Variants in SEMA5B observed in about 807,000 individuals in gnomAD.
SEMA5B encodes semaphorin-5B.
In SEMA5B, 66 loss-of-function variants were observed where a neutral mutation model predicts 135.0. The ratio of observed to expected loss-of-function variants is 0.49; its 90% CI spans 0.40 to 0.60. SEMA5B has a LOEUF of 0.60. Ranked by LOEUF, SEMA5B falls within the 20% of genes least tolerant of loss-of-function variation. The pLI is 0.00. For missense variants in SEMA5B, 1,501 were observed against 1,566.3 expected, an observed-to-expected ratio of 0.96 and a Z score of 0.70; for synonymous variants, 690 against 639.5, an observed-to-expected ratio of 1.08 and a Z score of -1.19.
rs375840131 is a variant in SEMA5B, at chr3:122,912,979, C to G, written c.2589G>C (p.Ser863=). 2 of 1,610,690 alleles carry G rather than the reference C, an allele frequency of 1.2e-6. No individual in the cohort carries two copies. The highest frequency in any genetic ancestry group is 1.7e-6 in the Non-Finnish European group (2 of 1,178,676). The change falls in exon 18 of 23, where the codon TCG becomes TCC. Residue 863 remains serine (S), a synonymous_variant. Transcript: ENST00000357599. ...SGGWAAWGPW[S]SCSRDCELGF... is the part of the protein sequence containing the mutation. ...CCAGCTCGCAGTCCCGGGAGCAGGACGACCACGGGCCCCAGGCGGCCCAGC... is the reference window on the plus strand; with the variant it reads ...CCAGCTCGCAGTCCCGGGAGCAGGAGGACCACGGGCCCCAGGCGGCCCAGC...
intron 5 of SEMA5B, among the ~76,000 whole-genome samples, chr3:122,932,528 AG>A (rs1408079783): frequency 6.6e-6 from 1 of 152,124 alleles, no homozygotes; most frequent in Non-Finnish European, 1.5e-5. Context: ...CAAAGGTCCA[AG>A]GAACACTATG....
intron 18 of SEMA5B, 131 bp downstream of exon 18, chr3:122,912,712 C>T (rs1388411759): frequency 7.7e-6 from 7 of 908,742 alleles, no homozygotes; most frequent in Non-Finnish European, 1.2e-5. Context: ...TCTGGGGGTC[C>T]CTAGCACAGA....
At chr3:122,979,572 T>C (rs1941452508) in intron 1 of SEMA5B, among the ~76,000 whole-genome samples, 1 of 152,172 alleles carries the variant, frequency 6.6e-6, no homozygotes, top group South Asian at 2.1e-4. Flanking sequence ...AATCCACATG[T>C]TACCCTATGG....
At position 122,927,839 on chromosome 3, in the gene SEMA5B, G is replaced by T. The variant is rs753605598; in HGVS notation, c.801C>A (p.Gly267=). The change falls in exon 8 of 23, where the codon GGC becomes GGA. Residue 267 remains glycine (G), a synonymous_variant. Transcript: ENST00000357599. ...GGGCAGTGCGAAGCGGTGGCCCACT[G>T]CCCAGGCTGCGGTAGATGGCAGGGT... The part of the protein sequence containing the change: ...GRDPAIYRSL[G]SGPPLRTAQY... The T allele has an allele frequency of 4.9e-5, 77 of 1,575,752 alleles. No homozygotes were observed. The highest frequency in any genetic ancestry group is 6.2e-5 in the Non-Finnish European group (72 of 1,159,668).
Position 122,912,826 on chromosome 3 carries a change from C to G in SEMA5B, c.2725+17G>C. ...CAGGGTTTCGCTAGGCCAAGGATTC[C>G]TTCCGTGCAGGGTTACCTGGGCAAG... On this transcript the variant is annotated intron_variant, in intron 18 of 22. Coordinates refer to ENST00000357599, the MANE Select transcript of SEMA5B (RefSeq NM_001031702.4). 5 of 1,538,232 alleles carry G rather than the reference C, an allele frequency of 3.3e-6. No homozygotes were observed. The highest frequency in any genetic ancestry group is 4.4e-6 in the Non-Finnish European group (5 of 1,140,396).
intron 3 of SEMA5B, among the ~76,000 whole-genome samples, chr3:122,947,680 T>C (rs183399564): frequency 1.1e-4 from 17 of 152,284 alleles, no homozygotes; most frequent in Admixed American, 1.1e-3. Context: ...GACGATCTCC[T>C]GGCACTGCCT....
chr3:122,910,916 G>A lies in SEMA5B; in HGVS notation c.3221C>T (p.Pro1074Leu), dbSNP rs184317651. The change falls in exon 22 of 23, where the codon CCT becomes CTT. Residue 1074 changes from proline (P) to leucine (L), a missense_variant. Physicochemically the swap from Pro to Leu is moderately conservative, Grantham distance 98 (BLOSUM62 -3). Around this residue, in one of 2 missense-constraint regions of SEMA5B, gnomAD observed 927 missense variants for 881.6 expected, o/e 1.05. Coordinates refer to ENST00000357599, the MANE Select transcript of SEMA5B (RefSeq NM_001031702.4). ...RQSQESTLVH[P>L]ATPNHLHYKG... The stretch of plus-strand genomic sequence containing the variant: ...GTAGTGCAAATGGTTGGGGGTGGCA[G>A]GATGGACCAGTGTGGACTCCTGGGA... The A allele has an allele frequency of 6.2e-7, 1 of 1,613,834 alleles. No individual in the cohort carries two copies. Among genetic ancestry groups the A allele is most frequent in the East Asian group, 2.2e-5 (1 of 44,884 alleles).
Position 122,913,570 on chromosome 3 carries a change from G to A in SEMA5B, c.2244C>T (p.Ala748=), listed in dbSNP as rs774912931. 2.5e-6 allele frequency: 4 copies of A among 1,612,908 alleles called. No homozygotes were observed. The highest frequency in any genetic ancestry group is 3.4e-6 in the Non-Finnish European group (4 of 1,179,910). The change falls in exon 16 of 23, where the codon GCC becomes GCT. Residue 748 remains alanine, a synonymous_variant. Transcript: ENST00000357599. ...CGGGMQSRRR[A]CENGNSCLGC... ...CCAGGCAGGAGTTGCCGTTCTCGCA[G>A]GCCCGACGCCGCGACTGCATGCCCC...
intron 18 of SEMA5B, among the ~76,000 whole-genome samples, 179 bp downstream of exon 18, chr3:122,912,664 G>C (rs1194558628): frequency 6.6e-6 from 1 of 152,118 alleles, no homozygotes; most frequent in Non-Finnish European, 1.5e-5. Flanking sequence ...TACTCCACCG[G>C]AGTAGCCATT....
intron 20 of SEMA5B, 96 bp downstream of exon 20, chr3:122,911,824 C>G: frequency 1.4e-6 from 2 of 1,408,648 alleles, no homozygotes; most frequent in South Asian, 1.4e-5. Flanking sequence ...TCCTGTGCCC[C>G]CTGCTCCCCA....
intron 3 of SEMA5B, 101 bp from the exon 4 acceptor site, chr3:122,943,636 T>C: frequency 1.2e-6 from 1 of 841,920 alleles, no homozygotes; most frequent in Non-Finnish European, 1.9e-6. Flanking sequence ...CAGGGGGAAG[T>C]GGGGCGGTGG....
chr3:122,943,286 G>C, intron 4 of SEMA5B, 150 bp downstream of exon 4: 1 of 591,848 alleles, frequency 1.7e-6, no homozygotes, highest in Middle Eastern at 3.0e-4. Context: ...TCCTCCTGTG[G>C]GGGGACAGAC....
intron 1 of SEMA5B, among the ~76,000 whole-genome samples, chr3:123,026,562 C>T (rs1942804992): frequency 6.6e-6 from 1 of 152,096 alleles, no homozygotes; most frequent in African/African-American, 2.4e-5. Context: ...TTTCTCGAGC[C>T]TCGCCTTCTT....
intron 1 of SEMA5B, among the ~76,000 whole-genome samples, chr3:122,981,084 G>A (rs1297259522): frequency 6.6e-6 from 1 of 152,230 alleles, no homozygotes; most frequent in East Asian, 1.9e-4. Flanking sequence ...CATAAATGTG[G>A]GCATGAACAC....
At position 122,915,558 on chromosome 3, in the gene SEMA5B, A is replaced by G. The variant is rs764045755; in HGVS notation, c.1870T>C (p.Leu624=). Residue 624 remains leucine, a synonymous_variant, in exon 14 of 23, where the codon TTG becomes CTG. Transcript: ENST00000357599. ...CAAGAGCCTGAGTTGTCCCCATCCA[A>G]GTGCTCACATGGTTGCCATGGTGAC... ...PWSPWQPCEH[L]DGDNSGSCLC... is the part of the protein sequence containing the mutation. The G allele has an allele frequency of 2.1e-5, 34 of 1,614,102 alleles. No individual in the cohort carries two copies. Among genetic ancestry groups the G allele is most frequent in the Non-Finnish European group, 2.8e-5 (33 of 1,179,978 alleles).
At chr3:122,930,851 C>T (rs1480716967) in intron 5 of SEMA5B, among the ~76,000 whole-genome samples, 1 of 152,190 alleles carries the variant, frequency 6.6e-6, no homozygotes, top group Non-Finnish European at 1.5e-5. Context: ...CAAGGTCACA[C>T]AGCTAGTAAA....
chr3:123,013,511 T>A (rs1942484601), intron 1 of SEMA5B, among the ~76,000 whole-genome samples: 2 of 152,196 alleles, frequency 1.3e-5, no homozygotes, highest in South Asian at 4.1e-4. Context: ...CCATTTTACA[T>A]ATGAGGAAAC....
chr3:122,974,297 G>GCA (rs1941234744), intron 1 of SEMA5B, among the ~76,000 whole-genome samples: 1 of 152,226 alleles, frequency 6.6e-6, no homozygotes, highest in African/African-American at 2.4e-5. Context: ...CCTCGCTCCT[G>GCA]CACACACACA....
intron 5 of SEMA5B, among the ~76,000 whole-genome samples, chr3:122,936,385 C>A (rs1208127004): frequency 6.6e-6 from 1 of 152,180 alleles, no homozygotes; most frequent in East Asian, 1.9e-4. Flanking sequence ...CTTCAAACCA[C>A]TCCAGGGCTG....
Sources: gnomAD v4.1 joint callset for allele counts (sites outside exome capture counted in the v4.1 genomes callset) on GRCh38, gnomAD v4.1.1 for gene constraint, gnomAD v4.1.1 regional missense constraint, MANE v1.5 for transcripts, NCBI Gene and HGNC (gene_info 2026-07-23, HGNC 2026-07-21) for gene names.